RELB: variants seen among roughly 807,000 people sequenced by gnomAD.
RELB encodes transcription factor RelB.
Under a neutral mutation model 55.4 loss-of-function variants are expected in RELB, and 14 were observed. The ratio of observed to expected loss-of-function variants is 0.25; its 90% CI spans 0.17 to 0.40. The LOEUF (loss-of-function observed/expected upper bound fraction) is 0.40, where lower values mean the gene tolerates loss of function less well. Ranked by LOEUF, RELB falls within the 10% of genes least tolerant of loss-of-function variation. The probability of loss-of-function intolerance (pLI) is 1.00; values close to 1 mark genes in which losing one functional copy is unlikely to be tolerated. For missense variants in RELB, 669 were observed against 830.7 expected (o/e 0.81, Z 2.39); for synonymous variants, 409 against 371.3 (o/e 1.10, Z -1.17).
chr19:45,033,853 C>CT (rs765195727), intron 9 of RELB, among the ~76,000 whole-genome samples: 2,380 of 148,572 alleles, frequency 0.016, 71 homozygotes, highest in African/African-American at 0.055. Flanking sequence ...AAGACTCCAT[C>CT]TTTAAAAAAA....
In RELB at chr19:45,037,960, AT is replaced by A; in HGVS notation, c.*174del. Reference sequence around the variant, plus strand: ...GTTGCACGGGTTTCCCCTTGAGCCCATTTTACAGATGAGGAAACTGAGTCCG... The same window carrying A: ...GTTGCACGGGTTTCCCCTTGAGCCCATTTACAGATGAGGAAACTGAGTCCG... On this transcript the variant is annotated 3_prime_UTR_variant, in exon 12 of 12. Coordinates refer to ENST00000221452, the MANE Select transcript of RELB (RefSeq NM_006509.4). The A allele has an allele frequency of 1.7e-6, 1 of 584,974 alleles. No individual in the cohort carries two copies. The highest frequency in any genetic ancestry group is 2.7e-6 in the Non-Finnish European group (1 of 376,794). The allele number at this position is 584,974 out of a possible 1,614,324, so 36.2% of individuals were successfully genotyped here. A position where few individuals can be genotyped will look rare whatever the true frequency, so the allele number is the denominator to read the frequency against.
At chr19:45,021,008 C>G (rs1211006360) in intron 4 of RELB, among the ~76,000 whole-genome samples, 1 of 152,118 alleles carries the variant, frequency 6.6e-6, no homozygotes, top group Non-Finnish European at 1.5e-5. Context: ...AACTCCGTCT[C>G]TACTGAAAAC....
At chr19:45,030,188 A>G (rs565236886) in intron 8 of RELB, among the ~76,000 whole-genome samples, 2 of 150,682 alleles carry the variant, frequency 1.3e-5, no homozygotes, top group Admixed American at 1.3e-4. Context: ...ACCAAAAACA[A>G]ACCGGCTGGG....
At chr19:45,008,971 A>G (rs926778141) in intron 2 of RELB, among the ~76,000 whole-genome samples, 2 of 152,180 alleles carry the variant, frequency 1.3e-5, no homozygotes, top group African/African-American at 4.8e-5. Flanking sequence ...CTCCTCACTT[A>G]GGAAGCAGGG....
intron 2 of RELB, among the ~76,000 whole-genome samples, chr19:45,006,767 C>T (rs1971286982): frequency 6.6e-6 from 1 of 151,124 alleles, no homozygotes; most frequent in Non-Finnish European, 1.5e-5. Context: ...TCAAGACCAG[C>T]CTGACCAACG....
At chr19:45,003,256 G>T (rs570006496) in intron 2 of RELB, among the ~76,000 whole-genome samples, 133 of 152,142 alleles carry the variant, frequency 8.7e-4, no homozygotes, top group African/African-American at 2.9e-3. Context: ...CGGATCACGA[G>T]GTCAGGAGAT....
intron 1 of RELB, among the ~76,000 whole-genome samples, chr19:45,001,985 G>T (rs968258052): frequency 1.1e-4 from 16 of 151,556 alleles, no homozygotes; most frequent in Non-Finnish European, 2.1e-4. Flanking sequence ...CTGCTCTTGG[G>T]CGGTATCGGG....
chr19:45,004,219 G>C (rs1175765930), intron 2 of RELB, among the ~76,000 whole-genome samples: 1 of 149,142 alleles, frequency 6.7e-6, no homozygotes, highest in African/African-American at 2.5e-5. Context: ...CGCCTGGCCA[G>C]ACAGTGGTTC....
intron 2 of RELB, chr19:45,003,670 GC>G: frequency 2.0e-6 from 1 of 505,922 alleles, no homozygotes; most frequent in Non-Finnish European, 3.9e-6. Context: ...CCCAGTTCAG[GC>G]CTCAGTTTTC....
intron 5 of RELB, 109 bp from the exon 6 acceptor site, chr19:45,025,220 C>G (rs947221177): frequency 8.0e-6 from 6 of 745,574 alleles, no homozygotes; most frequent in Admixed American, 6.7e-5. Flanking sequence ...GGGATGTCAG[C>G]CCCTGAGAGC....
Position 45,012,252 on chromosome 19 carries a change from C to G in RELB, c.480C>G (p.Ala160=). The G allele has an allele frequency of 7.0e-7, 1 of 1,430,008 alleles. No individual in the cohort carries two copies. Among genetic ancestry groups the G allele is most frequent in the Non-Finnish European group, 9.1e-7 (1 of 1,100,922 alleles). The allele number at this position is 1,430,008 out of a possible 1,614,324, so 88.6% of individuals were successfully genotyped here. The change falls in exon 4 of 12, where the codon GCC becomes GCG. Residue 160 remains alanine, a synonymous_variant. Transcript: ENST00000221452. ...GSILGESSTE[A]SKTLPAIELR... ...TCCTTGGGGAGAGCAGCACCGAGGC[C>G]AGCAAGACGCTGCCCGCCATCGAGG...
At chr19:45,035,547 G>T (rs567689667) in intron 11 of RELB, among the ~76,000 whole-genome samples, 4 of 150,526 alleles carry the variant, frequency 2.7e-5, no homozygotes, top group Non-Finnish European at 5.9e-5. Flanking sequence ...AACAAAACAG[G>T]CCTGGCACTG....
intron 4 of RELB, among the ~76,000 whole-genome samples, chr19:45,013,164 C>T (rs765650908): frequency 3.3e-5 from 5 of 151,804 alleles, no homozygotes; most frequent in Admixed American, 6.6e-5. Flanking sequence ...TTTTTTGAGA[C>T]GGAGTCTTGG....
chr19:45,001,697 TGGGGTTCA>T lies in RELB; in HGVS notation c.106+15_106+22del. The T allele has an allele frequency of 6.7e-7, 1 of 1,481,698 alleles. No homozygotes were observed. Among genetic ancestry groups the T allele is most frequent in the Non-Finnish European group, 9.0e-7 (1 of 1,109,940 alleles). 91.8% of individuals were successfully genotyped at this position (1,481,698 alleles called of 1,614,324 possible). ...GCTGGGGGCCTTAGGTAAGCGGGGCTGGGGTTCAGGAGAGGGGTCTGGGGCGGGGCTGG... is the reference window on the plus strand; with the variant it reads ...GCTGGGGGCCTTAGGTAAGCGGGGCTGGAGAGGGGTCTGGGGCGGGGCTGG... On this transcript the variant is annotated intron_variant, in intron 1 of 11. Transcript: ENST00000221452.
intron 2 of RELB, among the ~76,000 whole-genome samples, chr19:45,003,894 T>G (rs909367413): frequency 2.9e-4 from 43 of 148,600 alleles, no homozygotes; most frequent in East Asian, 2.7e-3. Flanking sequence ...TGTGTGTGGG[T>G]TTTTTTTGTC....
chr19:45,012,253 A>G lies in RELB; in HGVS notation c.481A>G (p.Ser161Gly), dbSNP rs760163150. Residue 161 changes from serine (S) to glycine (G), a missense_variant, in exon 4 of 12, where the codon AGC becomes GGC. This residue lies in a region of RELB where 323 missense variants were observed against 368.5 expected (regional missense o/e 0.88). Coordinates refer to ENST00000221452, the MANE Select transcript of RELB (RefSeq NM_006509.4). ...SILGESSTEA[S>G]KTLPAIELRD... ...CCTTGGGGAGAGCAGCACCGAGGCC[A>G]GCAAGACGCTGCCCGCCATCGAGGT... 4 of 1,430,606 alleles carry G rather than the reference A, an allele frequency of 2.8e-6. No individual in the cohort carries two copies. Among genetic ancestry groups the G allele is most frequent in the Non-Finnish European group, 3.6e-6 (4 of 1,101,300 alleles). 88.6% of individuals were successfully genotyped at this position (1,430,606 alleles called of 1,614,324 possible). A position where few individuals can be genotyped will look rare whatever the true frequency, so the allele number is the denominator to read the frequency against.
chr19:45,007,612 C>T (rs567845134), intron 2 of RELB, among the ~76,000 whole-genome samples: 6 of 152,116 alleles, frequency 3.9e-5, no homozygotes, highest in South Asian at 2.1e-4. Context: ...AATCCCAGCA[C>T]TTTGGGAGGC....
At position 45,025,710 on chromosome 19, in the gene RELB, G is replaced by A. The variant is rs764021001; in HGVS notation, c.859G>A (p.Val287Met). The A allele has an allele frequency of 1.2e-6, 2 of 1,614,026 alleles. No individual in the cohort carries two copies. The highest frequency in any genetic ancestry group is 1.7e-6 in the Non-Finnish European group (2 of 1,179,894). ...GGGACAGATGCGCCGGATGGATCCT[G>A]TGCTTTCCGAGCCCGTCTATGACAA... is the stretch of plus-strand genomic sequence containing the variant. The part of the protein sequence containing the change: ...QQGQMRRMDP[V>M]LSEPVYDKKS... Residue 287 changes from valine (V) to methionine (M), a missense_variant, in exon 7 of 12, where the codon GTG (valine) becomes ATG (methionine). Physicochemically the swap from Val to Met is conservative, Grantham distance 21. Around this residue, in one of 3 missense-constraint regions of RELB, gnomAD observed 341 missense variants for 436.8 expected, o/e 0.78. Transcript: ENST00000221452.
rs771100800 is a variant in RELB, at chr19:45,025,782, G to C, written c.886+45G>C. On this transcript the variant is annotated intron_variant, in intron 7 of 11. Coordinates refer to ENST00000221452, the MANE Select transcript of RELB (RefSeq NM_006509.4). ...GCCGTTAGGATTGCCCTTGGCTGCA[G>C]GTGTCAGAATGTCCCGCTTACAGAG... 12 of 1,612,186 alleles carry C rather than the reference G, an allele frequency of 7.4e-6. No homozygotes were observed. The African/African-American group carries it at 1.3e-4, about 18-fold the overall frequency.
Sources: allele counts gnomAD v4.1 joint callset (sites outside exome capture counted in the v4.1 genomes callset), GRCh38; gene constraint gnomAD v4.1.1; regional missense constraint gnomAD v4.1.1; transcripts MANE v1.5; gene names NCBI Gene and HGNC (gene_info 2026-07-23, HGNC 2026-07-21).